Variants in EFCAB8 observed in about 807,000 individuals in gnomAD.
The protein encoded by EFCAB8 is EF-hand calcium-binding domain-containing protein 8.
In EFCAB8, 100 loss-of-function variants were observed where a neutral mutation model predicts 116.3. The ratio of observed to expected loss-of-function variants is 0.86; its 90% CI spans 0.73 to 1.02. The LOEUF is 1.02. Ranked by LOEUF, EFCAB8 falls within the 50% of genes least tolerant of loss-of-function variation. The pLI, the probability that EFCAB8 is intolerant of heterozygous loss-of-function variation, is 0.00. For synonymous variants in EFCAB8, 558 were observed against 567.9 expected, an observed-to-expected ratio of 0.98 and a Z score of 0.25; for missense variants, 1,320 against 1,416.9, an observed-to-expected ratio of 0.93 and a Z score of 1.10.
intron 18 of EFCAB8, among the ~76,000 whole-genome samples, chr20:32,917,827 C>A (rs1987257303): frequency 6.6e-6 from 1 of 152,210 alleles, no homozygotes; most frequent in Non-Finnish European, 1.5e-5. Flanking sequence ...TCGCTCCTTT[C>A]CCATTGCTAC....
Position 32,908,401 on chromosome 20 carries a change from A to G in EFCAB8, c.1435A>G (p.Ser479Gly). 8.0e-7 allele frequency: 1 copy of G among 1,249,966 alleles called. No homozygotes were observed. Among genetic ancestry groups the G allele is most frequent in the East Asian group, 3.2e-5 (1 of 31,702 alleles). 77.4% of individuals were successfully genotyped at this position (1,249,966 alleles called of 1,614,324 possible). The part of the protein sequence containing the change: ...FFEKDNTLIC[S>G]TYSIGILKGY... ...CGAGAAGGACAATACCCTCATCTGC[A>G]GCACCTACTCAGTGAGTGCTGTCCC... The change falls in exon 14 of 27, where the codon AGC becomes GGC. Residue 479 changes from serine (S) to glycine (G), a missense_variant. By Grantham distance (56) the Ser-to-Gly change is moderately conservative (BLOSUM62 0). Transcript: ENST00000400522.
chr20:32,880,274 T>C (rs986894125), intron 5 of EFCAB8, among the ~76,000 whole-genome samples: 2 of 139,002 alleles, frequency 1.4e-5, no homozygotes, highest in African/African-American at 6.1e-5. Context: ...AAGGGTAACT[T>C]TTTTTTTTTT....
chr20:32,923,416 G>T (rs576538449), intron 20 of EFCAB8, among the ~76,000 whole-genome samples: 2 of 151,990 alleles, frequency 1.3e-5, no homozygotes, highest in Admixed American at 6.6e-5. Context: ...AACCCGGGAG[G>T]CGGAGGTTGC....
At chr20:32,949,943 T>G (rs923758229) in intron 23 of EFCAB8, among the ~76,000 whole-genome samples, 4 of 152,194 alleles carry the variant, frequency 2.6e-5, no homozygotes, top group Admixed American at 2.6e-4. Context: ...GAGGCTGCAG[T>G]GAGCCAAGAT....
rs1342934997 is a variant in EFCAB8, at chr20:32,961,163, C to T, written c.3421C>T (p.His1141Tyr). Residue 1141 changes from histidine to tyrosine, a missense_variant, in exon 27 of 27, where the codon CAC (histidine) becomes TAC (tyrosine). Coordinates refer to ENST00000400522, the MANE Select transcript of EFCAB8 (RefSeq NM_001143967.2). ...QISPQVYQSLHFSDLMPTQQP... is the reference protein window; with the variant it reads ...QISPQVYQSLYFSDLMPTQQP... The stretch of plus-strand genomic sequence containing the variant: ...CTCGCCTCAGGTCTACCAAAGCCTG[C>T]ACTTCAGTGATCTGATGCCGACTCA... 4 of 1,552,164 alleles carry T rather than the reference C, an allele frequency of 2.6e-6. No individual in the cohort carries two copies. The African/African-American group carries it at 4.1e-5, about 16-fold the overall frequency.
At chr20:32,863,741 T>C in intron 1 of EFCAB8, 42 bp from the exon 2 acceptor site, 1 of 1,543,162 alleles carries the variant, frequency 6.5e-7, no homozygotes. Flanking sequence ...ACGTGGTCCT[T>C]ACAACGACTG....
intron 2 of EFCAB8, among the ~76,000 whole-genome samples, chr20:32,865,894 A>T (rs564134763): frequency 6.6e-6 from 1 of 152,024 alleles, no homozygotes; most frequent in African/African-American, 2.4e-5. Context: ...AGTGGTGGTC[A>T]TTGTACTTGT....
At chr20:32,873,546 A>G (rs1046520458) in intron 3 of EFCAB8, among the ~76,000 whole-genome samples, 5 of 151,562 alleles carry the variant, frequency 3.3e-5, no homozygotes, top group African/African-American at 9.7e-5. Context: ...GCCAAAGTTT[A>G]TATTTTGATA....
chr20:32,885,656 A>G lies in EFCAB8; in HGVS notation c.567+16A>G, dbSNP rs1232143350. ...CTCCTTTAGGGTGAGTGGGGCCCCT[A>G]CACATGGTGCACACATGGGTGATTG... On this transcript the variant is annotated intron_variant, in intron 6 of 26. Coordinates refer to ENST00000400522, the MANE Select transcript of EFCAB8 (RefSeq NM_001143967.2). 6.4e-7 allele frequency: 1 copy of G among 1,551,468 alleles called. No homozygotes were observed. The highest frequency in any genetic ancestry group is 1.4e-5 in the African/African-American group (1 of 73,032).
At chr20:32,946,998 G>A (rs1275952057) in intron 23 of EFCAB8, among the ~76,000 whole-genome samples, 2 of 152,144 alleles carry the variant, frequency 1.3e-5, no homozygotes, top group African/African-American at 2.4e-5. Flanking sequence ...TTATTCCACT[G>A]TATGGCTCTG....
chr20:32,938,342 G>A (rs890850556), intron 22 of EFCAB8, among the ~76,000 whole-genome samples: 1 of 149,728 alleles, frequency 6.7e-6, no homozygotes, highest in Non-Finnish European at 1.5e-5. Flanking sequence ...AAACTCACAG[G>A]TAGCATAAAA....
chr20:32,862,684 A>G (rs1382707827), intron 1 of EFCAB8, among the ~76,000 whole-genome samples: 1 of 152,038 alleles, frequency 6.6e-6, no homozygotes, highest in East Asian at 1.9e-4. Context: ...CTAGAGTACA[A>G]TGGCTCGATC....
intron 24 of EFCAB8, among the ~76,000 whole-genome samples, chr20:32,958,871 G>C (rs2146307353): frequency 6.6e-6 from 1 of 152,360 alleles, no homozygotes; most frequent in Non-Finnish European, 1.5e-5. Context: ...TCCCTGCAGA[G>C]ATCATTGCTG....
intron 7 of EFCAB8, among the ~76,000 whole-genome samples, chr20:32,891,852 A>G (rs754813041): frequency 6.0e-5 from 9 of 150,724 alleles, no homozygotes; most frequent in South Asian, 2.1e-4. Flanking sequence ...TAATTGAGAC[A>G]GGGTCTTGCT....
At chr20:32,905,099 G>A (rs370315093) in intron 11 of EFCAB8, among the ~76,000 whole-genome samples, 34 of 152,296 alleles carry the variant, frequency 2.2e-4, no homozygotes, top group African/African-American at 7.9e-4. Context: ...AGCCTCACCC[G>A]GCCCTAATGA....
In EFCAB8 at chr20:32,930,423, G is replaced by A. The variant is rs117765537; in HGVS notation, c.2438G>A (p.Arg813His). The change falls in exon 21 of 27, where the codon CGC becomes CAC. Residue 813 changes from arginine (R) to histidine (H), a missense_variant. By Grantham distance (29) the Arg-to-His change is conservative. Coordinates refer to ENST00000400522, the MANE Select transcript of EFCAB8 (RefSeq NM_001143967.2). ...ATAATCTTCCTGCAGACCAGGCCTC[G>A]CCTGCCGCACACGGCTGCCCTGCTG... ...EKIIFLQTRP[R>H]LPHTAALLSS... 0.027 allele frequency: 41,895 copies of A among 1,551,268 alleles called. 674 individuals carry two copies. Among genetic ancestry groups the A allele is most frequent in the South Asian group, 0.032 (2,676 of 84,048 alleles).
intron 18 of EFCAB8, 43 bp from the exon 19 acceptor site, chr20:32,918,319 A>C (rs1987284055): frequency 7.1e-6 from 11 of 1,541,560 alleles, no homozygotes; most frequent in African/African-American, 1.4e-5. Flanking sequence ...ATTTACCTCT[A>C]CGACATTGCA....
At chr20:32,895,649 G>T (rs1353518649) in intron 9 of EFCAB8, among the ~76,000 whole-genome samples, 1 of 148,178 alleles carries the variant, frequency 6.7e-6, no homozygotes, top group South Asian at 2.1e-4. Flanking sequence ...TTGGCTCACT[G>T]CCACCTCTGC....
chr20:32,862,134 C>CTTT (rs796463534), intron 1 of EFCAB8, among the ~76,000 whole-genome samples: 3 of 141,854 alleles, frequency 2.1e-5, no homozygotes, highest in African/African-American at 5.2e-5. Flanking sequence ...TATTTCTTTT[C>CTTT]TTTTTTTTTT....
Sources: allele counts gnomAD v4.1 joint callset (sites outside exome capture counted in the v4.1 genomes callset), GRCh38; gene constraint gnomAD v4.1.1; transcripts MANE v1.5; gene names NCBI Gene and HGNC (gene_info 2026-07-23, HGNC 2026-07-21).